Variants in PRKCA observed in about 807,000 individuals in gnomAD.
PRKCA encodes protein kinase C alpha type.
PRKCA carries 27 observed loss-of-function variants against 87.0 expected under a neutral mutation model. That is an observed-to-expected ratio of 0.31 (90% confidence interval 0.23 to 0.43). PRKCA has a LOEUF of 0.43. Ranked by LOEUF, PRKCA falls within the 20% of genes least tolerant of loss-of-function variation. The pLI, the probability that PRKCA is intolerant of heterozygous loss-of-function variation, is 1.00. For synonymous variants in PRKCA, 329 were observed against 311.1 expected (o/e 1.06, Z -0.61); for missense variants, 518 against 852.3 (o/e 0.61, Z 4.88).
chr17:66,776,245 C>G (rs1358250575), intron 14 of PRKCA, among the ~76,000 whole-genome samples: 1 of 152,174 alleles, frequency 6.6e-6, no homozygotes, highest in East Asian at 1.9e-4. Flanking sequence ...TTCTTGCCTC[C>G]TCAGAAGAAA....
chr17:66,786,735 A>C, intron 14 of PRKCA, 132 bp from the exon 15 acceptor site: 2 of 635,432 alleles, frequency 3.1e-6, no homozygotes, highest in Non-Finnish European at 5.5e-6. Context: ...AAGTTAGCTG[A>C]GCAAACTGTG....
chr17:66,475,712 C>T (rs1915509151), intron 2 of PRKCA, among the ~76,000 whole-genome samples: 1 of 152,100 alleles, frequency 6.6e-6, no homozygotes, highest in African/African-American at 2.4e-5. Flanking sequence ...AGAAGGTCTT[C>T]TTGATACCTG....
chr17:66,353,512 T>C (rs1321006937), intron 2 of PRKCA, among the ~76,000 whole-genome samples: 1 of 152,020 alleles, frequency 6.6e-6, no homozygotes, highest in Non-Finnish European at 1.5e-5. Flanking sequence ...GGTGAAGAGT[T>C]CAAGACCAGC....
intron 2 of PRKCA, among the ~76,000 whole-genome samples, chr17:66,494,681 C>T: frequency 6.6e-6 from 1 of 152,186 alleles, no homozygotes; most frequent in Non-Finnish European, 1.5e-5. Flanking sequence ...TGTTTTTTAA[C>T]ATGTTGTTAT....
chr17:66,789,032 G>A (rs1234151275), intron 16 of PRKCA, 53 bp downstream of exon 16: 1 of 1,607,814 alleles, frequency 6.2e-7, no homozygotes, highest in South Asian at 1.1e-5. Context: ...CAAATTCTGG[G>A]AGTATCCCAC....
At position 66,716,911 on chromosome 17, in the gene PRKCA, CTTG is replaced by C. The variant is rs546309213; in HGVS notation, c.919-15774_919-15772del. On this transcript the variant is annotated intron_variant, in intron 8 of 16. Coordinates refer to ENST00000413366, the MANE Select transcript of PRKCA (RefSeq NM_002737.3). ...AGTGGGTGTGTCCATGAAAATATTT[CTTG>C]TTAAGAAAACGATTGAATGTGTTGC... Among the ~76,000 whole-genome samples, 5 of 152,278 alleles carry C rather than the reference CTTG, an allele frequency of 3.3e-5. No homozygotes were observed. In the South Asian group the frequency reaches 8.3e-4, roughly 25 times the overall value.
At chr17:66,364,804 T>G (rs1908604599) in intron 2 of PRKCA, among the ~76,000 whole-genome samples, 1 of 152,224 alleles carries the variant, frequency 6.6e-6, no homozygotes, top group Non-Finnish European at 1.5e-5. Flanking sequence ...TTTCCACTTT[T>G]CTATCCCATC....
At chr17:66,518,724 C>T (rs959362927) in intron 3 of PRKCA, among the ~76,000 whole-genome samples, 1 of 152,058 alleles carries the variant, frequency 6.6e-6, no homozygotes, top group Non-Finnish European at 1.5e-5. Flanking sequence ...GATTTTTAAC[C>T]CAAAATCTAA....
chr17:66,370,336 A>G (rs1336564911), intron 2 of PRKCA, among the ~76,000 whole-genome samples: 1 of 146,218 alleles, frequency 6.8e-6, no homozygotes, highest in Non-Finnish European at 1.5e-5. Context: ...GGTTCAAGCA[A>G]TTTTCCTGCC....
At chr17:66,558,489 G>T (rs974264839) in intron 3 of PRKCA, among the ~76,000 whole-genome samples, 1 of 152,124 alleles carries the variant, frequency 6.6e-6, no homozygotes, top group Non-Finnish European at 1.5e-5. Flanking sequence ...GAGCTTGGCC[G>T]AGGGCCTAGA....
rs572138751 is a variant in PRKCA at position 66,705,961 on chromosome 17, G to A, written c.918+16914G>A. On this transcript the variant is annotated intron_variant, in intron 8 of 16. Coordinates refer to ENST00000413366, the MANE Select transcript of PRKCA (RefSeq NM_002737.3). Reference sequence around the variant, plus strand: ...AATTAAGATTGCCTGTCCCTGGAGCGGTAAATCGCAAGGGTTCTGACCTCC... The same window carrying A: ...AATTAAGATTGCCTGTCCCTGGAGCAGTAAATCGCAAGGGTTCTGACCTCC... Among the ~76,000 whole-genome samples the A allele has an allele frequency of 6.6e-5, 10 of 152,222 alleles. No homozygotes were observed. In the South Asian group the frequency reaches 8.3e-4, roughly 13 times the overall value.
In PRKCA at chr17:66,775,539, A is replaced by G. The variant is rs556092156; in HGVS notation, c.1605+1472A>G. ...AGCAGATCTCTGCCTTATACTAAACATGATTCTGCCGTGGGCAGCTTTTTA... is the reference window on the plus strand; with the variant it reads ...AGCAGATCTCTGCCTTATACTAAACGTGATTCTGCCGTGGGCAGCTTTTTA... On this transcript the variant is annotated intron_variant, in intron 14 of 16. Coordinates refer to ENST00000413366, the MANE Select transcript of PRKCA (RefSeq NM_002737.3). 7.2e-5 allele frequency: 71 copies of G among 985,382 alleles called. 1 individual carries two copies. In the African/African-American group the frequency reaches 1.1e-3, roughly 16 times the overall value. 61.0% of individuals were successfully genotyped at this position (985,382 alleles called of 1,614,324 possible).
At chr17:66,759,779 TC>T (rs1440471346) in intron 13 of PRKCA, among the ~76,000 whole-genome samples, 4 of 151,880 alleles carry the variant, frequency 2.6e-5, no homozygotes, top group Non-Finnish European at 4.4e-5. Context: ...AAATTAGGAG[TC>T]ACTATATTAA....
At chr17:66,326,846 T>A (rs1331114500) in intron 2 of PRKCA, among the ~76,000 whole-genome samples, 1 of 152,186 alleles carries the variant, frequency 6.6e-6, no homozygotes, top group Non-Finnish European at 1.5e-5. Flanking sequence ...TAAAGTTTGA[T>A]CCAGGGGAGA....
chr17:66,718,173 T>C (rs943661268), intron 8 of PRKCA, among the ~76,000 whole-genome samples: 6 of 132,898 alleles, frequency 4.5e-5, no homozygotes, highest in Non-Finnish European at 1.0e-4. Context: ...TTCTCTCTCT[T>C]AGTTCTGAAT....
In PRKCA at chr17:66,302,920, A is replaced by G. The variant is rs1904589741; in HGVS notation, c.69A>G (p.Lys23=). ...SQDVANRFAR[K]GALRQKNVHE... ...ACGTGGCCAACCGCTTCGCCCGCAAAGGGGCGCTGAGGCAGAAGAACGTGC... is the reference window on the plus strand; with the variant it reads ...ACGTGGCCAACCGCTTCGCCCGCAAGGGGGCGCTGAGGCAGAAGAACGTGC... Residue 23 remains lysine, a synonymous_variant, in exon 1 of 17, where the codon AAA becomes AAG. Coordinates refer to ENST00000413366, the MANE Select transcript of PRKCA (RefSeq NM_002737.3). The G allele has an allele frequency of 6.2e-7, 1 of 1,612,334 alleles. No homozygotes were observed. Among genetic ancestry groups the G allele is most frequent in the Non-Finnish European group, 8.5e-7 (1 of 1,179,158 alleles).
At chr17:66,793,199 C>G (rs1014085147) in intron 16 of PRKCA, among the ~76,000 whole-genome samples, 2 of 152,142 alleles carry the variant, frequency 1.3e-5, no homozygotes, top group Non-Finnish European at 2.9e-5. Context: ...TGAGGACGGT[C>G]AGCTCATTGA....
At chr17:66,483,062 A>T (rs1915851708) in intron 2 of PRKCA, among the ~76,000 whole-genome samples, 1 of 152,172 alleles carries the variant, frequency 6.6e-6, no homozygotes, top group Non-Finnish European at 1.5e-5. Context: ...TGTCCCGTAG[A>T]GCTGTCGGGG....
chr17:66,320,388 T>A (rs200685756), intron 2 of PRKCA, among the ~76,000 whole-genome samples: 25,269 of 141,948 alleles, frequency 0.18, 2,625 homozygotes, highest in Non-Finnish European at 0.26. Flanking sequence ...TTTTTTTTTT[T>A]AAAAAAAGAA....
Sources: allele counts gnomAD v4.1 joint callset (sites outside exome capture counted in the v4.1 genomes callset), GRCh38; gene constraint gnomAD v4.1.1; transcripts MANE v1.5; gene names NCBI Gene and HGNC (gene_info 2026-07-23, HGNC 2026-07-21).